The following RUBCN variants were observed in gnomAD, a reference collection of about 807,000 sequenced individuals.
RUBCN encodes the protein rubicon autophagy regulator.
Under a neutral mutation model 113.2 loss-of-function variants are expected in RUBCN, and 74 were observed. The ratio of observed to expected loss-of-function variants is 0.65; its 90% CI spans 0.54 to 0.79. The LOEUF is 0.79. RUBCN is among the 30% of genes least tolerant of loss of function. The pLI is 0.00. For synonymous variants in RUBCN, 480 were observed against 490.0 expected (o/e 0.98, Z 0.27); for missense variants, 1,109 against 1,251.7 (o/e 0.89, Z 1.72).
At chr3:197,698,408 A>G (rs1251594949) in intron 7 of RUBCN, among the ~76,000 whole-genome samples, 1 of 152,238 alleles carries the variant, frequency 6.6e-6, no homozygotes, top group Non-Finnish European at 1.5e-5. Context: ...TATGGTACCC[A>G]GGATGGAACA....
chr3:197,713,106 G>A (rs754825904), intron 2 of RUBCN, among the ~76,000 whole-genome samples: 6 of 152,126 alleles, frequency 3.9e-5, no homozygotes, highest in Non-Finnish European at 5.9e-5. Flanking sequence ...TGATCTGCCC[G>A]CCTCAGTCTC....
At chr3:197,699,175 C>G (rs1255358341) in intron 7 of RUBCN, 3 of 1,542,666 alleles carry the variant, frequency 1.9e-6, no homozygotes, top group Admixed American at 2.0e-5. Flanking sequence ...GGTGGAGGAC[C>G]GATTCCCAAA....
rs1728191995 is a variant in RUBCN at position 197,736,798 on chromosome 3, G to C, written c.-79C>G. ...CCTTCAGGGCTCCCGGGGCCCCCTG[G>C]GGCCGGAGGAGGCACCTGCGGCCGG... is the stretch of plus-strand genomic sequence containing the variant. On this transcript the variant is annotated 5_prime_UTR_variant, in exon 1 of 20. Coordinates refer to ENST00000296343, the MANE Select transcript of RUBCN (RefSeq NM_014687.4). The C allele has an allele frequency of 5.4e-6, 8 of 1,470,626 alleles. No individual in the cohort carries two copies. The South Asian group carries it at 9.2e-5, about 17-fold the overall frequency. 91.1% of individuals were successfully genotyped at this position (1,470,626 alleles called of 1,614,324 possible).
chr3:197,729,409 C>T (rs1176288240), intron 1 of RUBCN, among the ~76,000 whole-genome samples: 1 of 151,874 alleles, frequency 6.6e-6, no homozygotes, highest in African/African-American at 2.4e-5. Flanking sequence ...CCCGCCACCA[C>T]GCCCGGCTAA....
chr3:197,742,029 C>T (rs569279346), intron 1 of RUBCN, among the ~76,000 whole-genome samples: 18 of 151,768 alleles, frequency 1.2e-4, no homozygotes, highest in African/African-American at 4.1e-4. Context: ...TCCTGAGTAG[C>T]TAAAATTACG....
chr3:197,682,156 G>A (rs1306295522), intron 14 of RUBCN, among the ~76,000 whole-genome samples: 3 of 152,134 alleles, frequency 2.0e-5, no homozygotes, highest in African/African-American at 7.2e-5. Flanking sequence ...GTAAAGGAGA[G>A]AGAATGACAG....
intron 18 of RUBCN, 56 bp downstream of exon 18, chr3:197,676,828 CT>C (rs1560398147): frequency 6.2e-7 from 1 of 1,612,872 alleles, no homozygotes; most frequent in Non-Finnish European, 8.5e-7. Flanking sequence ...GTCCACCCCC[CT>C]CCCTGTATCC....
intron 7 of RUBCN, chr3:197,699,290 A>G: frequency 7.9e-7 from 1 of 1,264,038 alleles, no homozygotes; most frequent in Non-Finnish European, 1.1e-6. Flanking sequence ...GAATACAGAG[A>G]GAGAAAAAAA....
chr3:197,716,329 T>C (rs1024747230), intron 2 of RUBCN, among the ~76,000 whole-genome samples: 2 of 152,340 alleles, frequency 1.3e-5, no homozygotes, highest in Admixed American at 6.5e-5. Flanking sequence ...AGTTTCACCA[T>C]GTTGGCCAGG....
Position 197,674,869 on chromosome 3 carries a change from AGACAAG to A in RUBCN, c.*143_*148del. On this transcript the variant is annotated 3_prime_UTR_variant, in exon 20 of 20. Coordinates refer to ENST00000296343, the MANE Select transcript of RUBCN (RefSeq NM_014687.4). Reference sequence around the variant, plus strand: ...CGACGGCTGACTGCACACAGACGTCAGACAAGTCAGTAAAAAAAAAAAAAAAGATGA... The same window carrying A: ...CGACGGCTGACTGCACACAGACGTCATCAGTAAAAAAAAAAAAAAAGATGA... 7.5e-6 allele frequency: 5 copies of A among 667,514 alleles called. No individual in the cohort carries two copies. Among genetic ancestry groups the A allele is most frequent in the Admixed American group, 3.5e-5 (1 of 28,898 alleles). The allele number at this position is 667,514 out of a possible 1,614,324, so 41.3% of individuals were successfully genotyped here. A position where few individuals can be genotyped will look rare whatever the true frequency, so the allele number is the denominator to read the frequency against.
At chr3:197,709,042 A>C (rs1023641172) in intron 2 of RUBCN, among the ~76,000 whole-genome samples, 2 of 152,120 alleles carry the variant, frequency 1.3e-5, no homozygotes, top group African/African-American at 4.8e-5. Context: ...GATGATACAG[A>C]CTCCATCAGT....
At chr3:197,726,482 G>A (rs894978537) in intron 1 of RUBCN, among the ~76,000 whole-genome samples, 18 of 150,886 alleles carry the variant, frequency 1.2e-4, no homozygotes, top group African/African-American at 4.4e-4. Context: ...TCCTGACCTC[G>A]TGATCCACCC....
At chr3:197,740,186 G>C (rs919223311), upstream of RUBCN, among the ~76,000 whole-genome samples, 1 of 151,892 alleles carries the variant, frequency 6.6e-6, no homozygotes, top group Non-Finnish European at 1.5e-5. Context: ...CTAGCCATGC[G>C]TTACCTATCC....
At chr3:197,734,308 C>T (rs1727868595) in intron 1 of RUBCN, among the ~76,000 whole-genome samples, 1 of 150,276 alleles carries the variant, frequency 6.7e-6, no homozygotes, top group Non-Finnish European at 1.5e-5. Context: ...GTCGCTCATG[C>T]CTGTAACCTC....
rs530004030 is a variant in RUBCN at position 197,749,423 on chromosome 3, C to A, written c.-270G>T. On this transcript the variant is annotated 5_prime_UTR_variant, in exon 1 of 21. Coordinates refer to the RUBCN transcript ENST00000273582. ...AACCGTCACTGCAGCGTTTGCTTTG[C>A]GTTCAGATGCGGCAGCTCAGCGCAG... 7.4e-6 allele frequency: 9 copies of A among 1,221,436 alleles called. No individual in the cohort carries two copies. In the African/African-American group the frequency reaches 1.4e-4, roughly 19 times the overall value. The allele number at this position is 1,221,436 out of a possible 1,614,324, so 75.7% of individuals were successfully genotyped here.
chr3:197,741,255 A>T (rs1351939504), upstream of RUBCN, among the ~76,000 whole-genome samples: 1 of 152,218 alleles, frequency 6.6e-6, no homozygotes, highest in African/African-American at 2.4e-5. Flanking sequence ...AACTTTAAAG[A>T]CAGTTTAAAA....
At chr3:197,712,356 A>G (rs1038607693) in intron 2 of RUBCN, among the ~76,000 whole-genome samples, 4 of 152,196 alleles carry the variant, frequency 2.6e-5, no homozygotes, top group Admixed American at 6.5e-5. Flanking sequence ...TAAAAATACA[A>G]TTCACATTCC....
chr3:197,689,139 C>A (rs573395467), intron 11 of RUBCN, among the ~76,000 whole-genome samples: 1 of 152,020 alleles, frequency 6.6e-6, no homozygotes, highest in Admixed American at 6.5e-5. Context: ...AATCCTCCCA[C>A]CTCAGCCTCC....
At chr3:197,697,972 T>C (rs1029018442) in intron 7 of RUBCN, among the ~76,000 whole-genome samples, 2 of 152,198 alleles carry the variant, frequency 1.3e-5, no homozygotes, top group Non-Finnish European at 2.9e-5. Context: ...TGGGCTCTGT[T>C]CCTTCCTACT....
Sources: gnomAD v4.1 joint callset for allele counts (sites outside exome capture counted in the v4.1 genomes callset) on GRCh38, gnomAD v4.1.1 for gene constraint, MANE v1.5 for transcripts, NCBI Gene and HGNC (gene_info 2026-07-23, HGNC 2026-07-21) for gene names.